Variants in PDE4D observed in about 807,000 individuals in gnomAD.
PDE4D encodes phosphodiesterase 4D.
PDE4D carries 24 observed loss-of-function variants against 87.4 expected under a neutral mutation model. The ratio of observed to expected loss-of-function variants is 0.27; its 90% CI spans 0.20 to 0.39. PDE4D has a LOEUF of 0.39. Ranked by LOEUF, PDE4D falls within the 10% of genes least tolerant of loss-of-function variation. The probability of loss-of-function intolerance (pLI) is 1.00; values close to 1 mark genes in which losing one functional copy is unlikely to be tolerated. For missense variants in PDE4D, 714 were observed against 1,041.0 expected, an observed-to-expected ratio of 0.69 and a Z score of 4.32; for synonymous variants, 384 against 383.2, an observed-to-expected ratio of 1.00 and a Z score of -0.02.
intron 1 of PDE4D, among the ~76,000 whole-genome samples, chr5:59,652,409 A>G (rs1743657456): frequency 6.6e-6 from 1 of 152,076 alleles, no homozygotes; most frequent in Non-Finnish European, 1.5e-5. Flanking sequence ...ATAGAATGCC[A>G]CATAAGCATT....
intron 3 of PDE4D, among the ~76,000 whole-genome samples, chr5:59,916,083 G>A (rs988364): frequency 0.35 from 53,019 of 151,920 alleles, 10,233 homozygotes; most frequent in East Asian, 0.74. Context: ...CCCAAAATAC[G>A]GGTAGTCAGT....
At chr5:59,819,276 C>T (rs1005051590) in intron 1 of PDE4D, among the ~76,000 whole-genome samples, 1 of 151,994 alleles carries the variant, frequency 6.6e-6, no homozygotes, top group East Asian at 1.9e-4. Flanking sequence ...TGAGTATTCT[C>T]GCCTTCTCAA....
chr5:59,025,888 A>C (rs1265564764), intron 6 of PDE4D, among the ~76,000 whole-genome samples: 1 of 152,200 alleles, frequency 6.6e-6, no homozygotes, highest in Non-Finnish European at 1.5e-5. Context: ...GGTGTTTCCT[A>C]TTATGGTGCC....
chr5:60,220,562 T>C (rs1744380963), intron 1 of PDE4D, among the ~76,000 whole-genome samples: 1 of 152,160 alleles, frequency 6.6e-6, no homozygotes, highest in Non-Finnish European at 1.5e-5. Flanking sequence ...GTGATCCTAT[T>C]GTGCAGCCAA....
intron 1 of PDE4D, chr5:59,768,168 C>T (rs1267418687): frequency 1.3e-6 from 2 of 1,532,610 alleles, no homozygotes; most frequent in East Asian, 2.3e-5. Flanking sequence ...CCCTCCCTAC[C>T]CCCAAAATTA....
chr5:59,821,119 G>C (rs1769593869), intron 1 of PDE4D, among the ~76,000 whole-genome samples: 1 of 152,086 alleles, frequency 6.6e-6, no homozygotes, highest in Non-Finnish European at 1.5e-5. Context: ...TGTAGTCCCA[G>C]CTACTTGGGA....
intron 3 of PDE4D, among the ~76,000 whole-genome samples, chr5:59,926,446 G>A (rs1312047899): frequency 6.6e-6 from 1 of 151,996 alleles, no homozygotes; most frequent in Non-Finnish European, 1.5e-5. Context: ...GCACCTGAAA[G>A]AACTAGAAAA....
chr5:60,231,988 T>C (rs1745866312), intron 1 of PDE4D, among the ~76,000 whole-genome samples: 1 of 151,922 alleles, frequency 6.6e-6, no homozygotes, highest in African/African-American at 2.4e-5. Context: ...CCTTAGTCAA[T>C]TTTTTAATAA....
At chr5:59,515,432 GCAGC>G (rs1195321465) in intron 1 of PDE4D, among the ~76,000 whole-genome samples, 1 of 152,128 alleles carries the variant, frequency 6.6e-6, no homozygotes, top group Admixed American at 6.5e-5. Flanking sequence ...AAGCATCCGT[GCAGC>G]CAGTCAATAA....
At chr5:59,555,356 G>T (rs1561196048) in intron 1 of PDE4D, among the ~76,000 whole-genome samples, 1 of 152,010 alleles carries the variant, frequency 6.6e-6, no homozygotes, top group African/African-American at 2.4e-5. Flanking sequence ...GGTGGAGGGT[G>T]GTATGAGGGA....
chr5:60,504,505 C>T (rs1430282271), intron 1 of PDE4D, among the ~76,000 whole-genome samples: 1 of 152,064 alleles, frequency 6.6e-6, no homozygotes, highest in Non-Finnish European at 1.5e-5. Context: ...GTCCCTCAGG[C>T]AGTTTCATTC....
intron 1 of PDE4D, among the ~76,000 whole-genome samples, chr5:60,232,632 A>C (rs1745952303): frequency 6.6e-6 from 1 of 151,896 alleles, no homozygotes; most frequent in African/African-American, 2.4e-5. Context: ...AAATTGAGTA[A>C]AGCAGGTTAT....
At chr5:59,592,836 T>C (rs189930916) in intron 1 of PDE4D, among the ~76,000 whole-genome samples, 226 of 152,256 alleles carry the variant, frequency 1.5e-3, no homozygotes, top group African/African-American at 5.1e-3. Flanking sequence ...AGTCCTAAGA[T>C]GTGAACCCTT....
At chr5:60,095,814 G>C (rs1317504500) in intron 2 of PDE4D, among the ~76,000 whole-genome samples, 1 of 152,056 alleles carries the variant, frequency 6.6e-6, no homozygotes. Flanking sequence ...TCTCATTGTG[G>C]TTTTGATTTG....
chr5:59,209,597 T>C (rs537819255), intron 2 of PDE4D, among the ~76,000 whole-genome samples: 5 of 152,336 alleles, frequency 3.3e-5, no homozygotes, highest in Non-Finnish European at 7.4e-5. Context: ...AGCAACACAT[T>C]GGCCAAAATA....
intron 1 of PDE4D, among the ~76,000 whole-genome samples, chr5:60,232,737 C>T (rs973337530): frequency 6.6e-6 from 1 of 151,810 alleles, no homozygotes; most frequent in Admixed American, 6.6e-5. Context: ...AGCCTTACAT[C>T]CAGGCTATGG....
At chr5:59,742,816 A>G (rs1438663250) in intron 1 of PDE4D, among the ~76,000 whole-genome samples, 1 of 152,218 alleles carries the variant, frequency 6.6e-6, no homozygotes, top group African/African-American at 2.4e-5. Context: ...CATTGCTGGA[A>G]ACATTTCTTT....
chr5:59,649,930 T>TTTTTTTTTTTTTTTTTTTTTTTTGA (rs1580152373), intron 1 of PDE4D, among the ~76,000 whole-genome samples: 1 of 140,916 alleles, frequency 7.1e-6, no homozygotes, highest in Non-Finnish European at 1.5e-5. Flanking sequence ...TTTTTTTTTT[T>TTTTTTTTTTTTTTTTTTTTTTTTGA]TTAGCAATGA....
At chr5:60,110,520 CA>C (rs1777565815) in intron 2 of PDE4D, among the ~76,000 whole-genome samples, 1 of 151,964 alleles carries the variant, frequency 6.6e-6, no homozygotes, top group Non-Finnish European at 1.5e-5. Context: ...GGCAAAGATG[CA>C]GAGAAAAGGC....
Sources: allele counts gnomAD v4.1 joint callset (sites outside exome capture counted in the v4.1 genomes callset), GRCh38; gene constraint gnomAD v4.1.1; transcripts MANE v1.5; gene names NCBI Gene and HGNC (gene_info 2026-07-23, HGNC 2026-07-21).